The following S100Z variants were observed in gnomAD, a reference collection of about 807,000 sequenced individuals.
S100Z encodes the protein S100 calcium binding protein Z.
A neutral mutation model predicts 8.5 loss-of-function variants in S100Z; 11 were observed. The ratio of observed to expected loss-of-function variants is 1.30; its 90% confidence interval spans 0.82 to 2.15. S100Z has a LOEUF of 2.15. Among genes scored for constraint, S100Z ranks in the 30% most tolerant of loss-of-function variants. The pLI is 0.00. For missense variants in S100Z, 126 were observed against 117.9 expected (o/e 1.07, Z -0.32); for synonymous variants, 34 against 43.8 (o/e 0.78, Z 0.89).
At chr5:76,883,330 A>G (rs1042677072) in intron 4 of S100Z, among the ~76,000 whole-genome samples, 2 of 152,166 alleles carry the variant, frequency 1.3e-5, no homozygotes, top group Non-Finnish European at 2.9e-5. Flanking sequence ...ATAGTCAGGG[A>G]AGCAGATAAT....
chr5:76,949,853 T>C, the S100Z span, among the ~76,000 whole-genome samples: 3 of 152,250 alleles, frequency 2.0e-5, no homozygotes, highest in African/African-American at 7.2e-5. Context: ...GTTTCAGCTA[T>C]GCAAGATGAA....
At chr5:76,915,175 A>G (rs1291716928) in intron 4 of S100Z, among the ~76,000 whole-genome samples, 1 of 151,956 alleles carries the variant, frequency 6.6e-6, no homozygotes, top group Non-Finnish European at 1.5e-5. Flanking sequence ...GCATGGTGGC[A>G]GTCACCTGTA....
intron 2 of S100Z, among the ~76,000 whole-genome samples, chr5:76,875,046 G>A (rs1181956310): frequency 6.6e-6 from 1 of 152,050 alleles, no homozygotes; most frequent in Non-Finnish European, 1.5e-5. Flanking sequence ...CCGCCGCCGC[G>A]CCCGGCTAAT....
chr5:76,850,374 A>ATCATAGC (rs1415746349), intron 1 of S100Z, among the ~76,000 whole-genome samples: 1 of 151,080 alleles, frequency 6.6e-6, no homozygotes, highest in Non-Finnish European at 1.5e-5. Context: ...GAGCAGCCTG[A>ATCATAGC]TCATAGCTCG....
At chr5:76,945,782 G>A in the S100Z span, among the ~76,000 whole-genome samples, 1 of 152,134 alleles carries the variant, frequency 6.6e-6, no homozygotes, top group African/African-American at 2.4e-5. Flanking sequence ...AAATACTGAG[G>A]AAACCCAGAG....
chr5:76,883,127 G>A (rs1403274936), intron 4 of S100Z, among the ~76,000 whole-genome samples: 1 of 152,108 alleles, frequency 6.6e-6, no homozygotes, highest in African/African-American at 2.4e-5. Flanking sequence ...GCTGTGGGAT[G>A]GGATATTGGC....
chr5:76,942,629 G>T, the S100Z span, among the ~76,000 whole-genome samples: 196 of 152,254 alleles, frequency 1.3e-3, no homozygotes, highest in Non-Finnish European at 3.5e-4. Context: ...CTGGGCTCAG[G>T]GCTGAGACAC....
In S100Z at chr5:76,888,333, T is replaced by TC. The variant is rs1293945774; in HGVS notation, c.*2+10500dup. Among the ~76,000 whole-genome samples the TC allele has an allele frequency of 2.7e-5, 4 of 147,208 alleles. No homozygotes were observed. The South Asian group carries it at 6.9e-4, about 25-fold the overall frequency. ...AGGAAAAGGGGTCCTTGGGAAGTTT[T>TC]CTTTTTTTTTTTTTTTCCTGGGAAA... On this transcript the variant is annotated intron_variant, in intron 4 of 4. Transcript: ENST00000317593.
At chr5:76,941,803 C>A in the S100Z span, among the ~76,000 whole-genome samples, 21 of 152,232 alleles carry the variant, frequency 1.4e-4, no homozygotes, top group South Asian at 1.0e-3. Context: ...TGCTCCCCCC[C>A]CTTGATGGCA....
intron 1 of S100Z, among the ~76,000 whole-genome samples, chr5:76,850,514 T>C (rs1413490219): frequency 1.3e-5 from 2 of 152,352 alleles, no homozygotes; most frequent in African/African-American, 4.8e-5. Flanking sequence ...TTCATGTTCT[T>C]GTCCAGGCCA....
intron 4 of S100Z, among the ~76,000 whole-genome samples, chr5:76,885,247 A>G (rs969745786): frequency 1.3e-5 from 2 of 152,136 alleles, no homozygotes; most frequent in African/African-American, 4.8e-5. Context: ...TGAAGGAGGC[A>G]AGTTTAAAGA....
chr5:76,917,899 C>T (rs1462261894), intron 4 of S100Z, among the ~76,000 whole-genome samples: 2 of 150,428 alleles, frequency 1.3e-5, no homozygotes, highest in Non-Finnish European at 2.9e-5. Context: ...ATTTTTATGT[C>T]AAAGTGCCAG....
intron 4 of S100Z, among the ~76,000 whole-genome samples, chr5:76,905,558 G>A (rs1271939645): frequency 5.3e-5 from 8 of 151,946 alleles, no homozygotes; most frequent in Middle Eastern, 3.4e-3. Flanking sequence ...GACTACAGGC[G>A]CCTACCACCA....
the S100Z span, among the ~76,000 whole-genome samples, chr5:76,927,007 A>C: frequency 1.3e-5 from 2 of 152,180 alleles, no homozygotes; most frequent in South Asian, 4.1e-4. Context: ...GGTTAGGGCA[A>C]TTCCCAATTC....
chr5:76,914,198 C>A (rs1374386720), intron 4 of S100Z, among the ~76,000 whole-genome samples: 2 of 152,094 alleles, frequency 1.3e-5, no homozygotes, highest in Admixed American at 6.6e-5. Context: ...CAGGAAGTAG[C>A]TAAAGCGGTC....
chr5:76,872,797 C>T (rs1245949351), intron 2 of S100Z, among the ~76,000 whole-genome samples: 3 of 152,008 alleles, frequency 2.0e-5, no homozygotes, highest in Non-Finnish European at 4.4e-5. Flanking sequence ...CCCATCTCTA[C>T]TACAAATACA....
intron 2 of S100Z, among the ~76,000 whole-genome samples, chr5:76,873,090 G>T (rs1246130031): frequency 1.3e-5 from 2 of 152,204 alleles, no homozygotes; most frequent in East Asian, 3.9e-4. Flanking sequence ...CAGCATAGAT[G>T]CTAATTGACC....
At chr5:76,929,716 A>G in the S100Z span, among the ~76,000 whole-genome samples, 1 of 152,184 alleles carries the variant, frequency 6.6e-6, no homozygotes, top group African/African-American at 2.4e-5. Context: ...GAATGGTAGA[A>G]CCAGGCTAAA....
chr5:76,952,260 C>T, the S100Z span, among the ~76,000 whole-genome samples: 1 of 152,122 alleles, frequency 6.6e-6, no homozygotes, highest in Non-Finnish European at 1.5e-5. Context: ...TTTGAAGGCA[C>T]GAAATGGAAT....
Sources: allele counts gnomAD v4.1 joint callset (sites outside exome capture counted in the v4.1 genomes callset), GRCh38; gene constraint gnomAD v4.1.1; transcripts MANE v1.5; gene names NCBI Gene and HGNC (gene_info 2026-07-23, HGNC 2026-07-21).